The following PAX2 variants were observed in gnomAD, a reference collection of about 807,000 sequenced individuals.
PAX2 encodes paired box protein Pax-2.
Under a neutral mutation model 41.7 loss-of-function variants are expected in PAX2, and 9 were observed. That is an observed-to-expected ratio of 0.22 (90% CI 0.13 to 0.38). The LOEUF is 0.38. PAX2 is among the 10% of genes least tolerant of loss of function. PAX2 has a pLI of 1.00. For missense variants in PAX2, 418 were observed against 531.6 expected (o/e 0.79, Z 2.10); for synonymous variants, 221 against 212.7 (o/e 1.04, Z -0.34).
chr10:100,783,127 C>T (rs10786608), intron 5 of PAX2, among the ~76,000 whole-genome samples: 31,216 of 152,188 alleles, frequency 0.21, 3,487 homozygotes, highest in Middle Eastern at 0.33. Context: ...CCCAGGGCTG[C>T]GCCTGGCTGG....
upstream of PAX2, among the ~76,000 whole-genome samples, chr10:100,745,505 C>T (rs991169434): frequency 4.6e-5 from 7 of 152,174 alleles, no homozygotes; most frequent in Admixed American, 2.0e-4. Flanking sequence ...CATCCATCTC[C>T]CGGCGCGGGG....
chr10:100,829,788 C>T lies in PAX2; in HGVS notation c.*2169C>T, dbSNP rs985597144. 10 of 204,480 alleles carry T rather than the reference C, an allele frequency of 4.9e-5. No individual in the cohort carries two copies. The highest frequency in any genetic ancestry group is 1.0e-5 in the Non-Finnish European group (1 of 99,530). The allele number at this position is 204,480 out of a possible 1,614,324, so 12.7% of individuals were successfully genotyped here. A position where few individuals can be genotyped will look rare whatever the true frequency, so the allele number is the denominator to read the frequency against. The stretch of plus-strand genomic sequence containing the variant: ...TGTGGGGCTGGCCGGGCAGAGACCC[C>T]GGACCCAGGCCCAGGCCTAACCTGC... On this transcript the variant is annotated 3_prime_UTR_variant, in exon 10 of 10. Transcript: ENST00000355243.
At chr10:100,785,964 G>C (rs572635938) in intron 5 of PAX2, among the ~76,000 whole-genome samples, 20 of 152,302 alleles carry the variant, frequency 1.3e-4, no homozygotes, top group African/African-American at 4.8e-4. Flanking sequence ...CTTCCTTCCT[G>C]GGGGCTGTGG....
intron 5 of PAX2, among the ~76,000 whole-genome samples, chr10:100,798,405 T>C (rs1847414857): frequency 6.6e-6 from 1 of 152,072 alleles, no homozygotes. Context: ...AGTGAGCCAC[T>C]GCACCCGGCC....
chr10:100,758,923 C>T (rs1362292003), intron 3 of PAX2, among the ~76,000 whole-genome samples: 1 of 152,126 alleles, frequency 6.6e-6, no homozygotes, highest in African/African-American at 2.4e-5. Context: ...TTATGACTCC[C>T]TATAGCCGGA....
chr10:100,829,643 T>C lies in PAX2; in HGVS notation c.*2024T>C, dbSNP rs1010327590. 2.4e-5 allele frequency: 5 copies of C among 204,632 alleles called. No homozygotes were observed. The highest frequency in any genetic ancestry group is 5.0e-5 in the Non-Finnish European group (5 of 99,252). The allele number at this position is 204,632 out of a possible 1,614,324, so 12.7% of individuals were successfully genotyped here. On this transcript the variant is annotated 3_prime_UTR_variant, in exon 10 of 10. Coordinates refer to ENST00000355243, the MANE Select transcript of PAX2 (RefSeq NM_000278.5). Reference sequence around the variant, plus strand: ...TCTCTCCCCTGCGAGCCCTTTTTATTTGAGAAGGAAAAAGAGAAAAGAGAA... The same window carrying C: ...TCTCTCCCCTGCGAGCCCTTTTTATCTGAGAAGGAAAAAGAGAAAAGAGAA...
At chr10:100,822,218 A>G (rs929054751) in intron 7 of PAX2, among the ~76,000 whole-genome samples, 1 of 152,220 alleles carries the variant, frequency 6.6e-6, no homozygotes, top group Non-Finnish European at 1.5e-5. Flanking sequence ...TATATTAGAC[A>G]GGTATAGAGG....
chr10:100,817,971 A>T (rs1048120850), intron 7 of PAX2, among the ~76,000 whole-genome samples: 1 of 152,258 alleles, frequency 6.6e-6, no homozygotes, highest in African/African-American at 2.4e-5. Context: ...GCATTTATAT[A>T]TTTAGGCAGC....
intron 1 of PAX2, among the ~76,000 whole-genome samples, chr10:100,737,549 A>C (rs1487409671): frequency 6.6e-6 from 1 of 151,206 alleles, no homozygotes; most frequent in East Asian, 1.9e-4. Flanking sequence ...GGCGGGGGGG[A>C]GCTGCGGAGC....
intron 5 of PAX2, among the ~76,000 whole-genome samples, chr10:100,788,766 G>C (rs1490938255): frequency 6.6e-6 from 1 of 152,126 alleles, no homozygotes; most frequent in Admixed American, 6.5e-5. Flanking sequence ...GGCTGAGGAG[G>C]GCCCAGGAGA....
At chr10:100,784,481 C>T (rs897914148) in intron 5 of PAX2, among the ~76,000 whole-genome samples, 2 of 152,204 alleles carry the variant, frequency 1.3e-5, no homozygotes, top group East Asian at 3.9e-4. Context: ...AGCACTGTGG[C>T]ATCTTCCTAG....
intron 7 of PAX2, among the ~76,000 whole-genome samples, chr10:100,823,401 A>T (rs1330392706): frequency 6.6e-6 from 1 of 152,214 alleles, no homozygotes; most frequent in Non-Finnish European, 1.5e-5. Flanking sequence ...AAACTCATAC[A>T]GCTCTGGAAT....
intron 5 of PAX2, among the ~76,000 whole-genome samples, chr10:100,800,942 G>T (rs1229494104): frequency 1.3e-5 from 2 of 152,240 alleles, no homozygotes; most frequent in Non-Finnish European, 2.9e-5. Flanking sequence ...TAGATGAAAA[G>T]AAAATAAAAA....
chr10:100,814,713 C>T (rs1479223315), intron 7 of PAX2, among the ~76,000 whole-genome samples: 2 of 152,216 alleles, frequency 1.3e-5, no homozygotes, highest in South Asian at 2.1e-4. Context: ...GGGAAGCCTC[C>T]GTAGCTTCCC....
chr10:100,741,090 C>T (rs1291185210), upstream of PAX2, among the ~76,000 whole-genome samples: 1 of 152,114 alleles, frequency 6.6e-6, no homozygotes, highest in Admixed American at 6.5e-5. Flanking sequence ...GCAAAGACCT[C>T]TTGTGAGGGG....
chr10:100,750,967 T>TCTCTGCTCTTTGTCCAGC lies in PAX2; in HGVS notation c.410+83_410+100dup. On this transcript the variant is annotated intron_variant, in intron 3 of 9. Coordinates refer to ENST00000355243, the MANE Select transcript of PAX2 (RefSeq NM_000278.5). The surrounding 1 kb of genome is among the most constrained non-coding windows in gnomAD (Gnocchi z 4.1). ...GCCTGCAGGGGTGTCCCACGCCCAG[T>TCTCTGCTCTTTGTCCAGC]CTCTGCTCTTTGTCCAGCCTCTGCC... The TCTCTGCTCTTTGTCCAGC allele has an allele frequency of 8.9e-7, 1 of 1,121,204 alleles. No individual in the cohort carries two copies. Among genetic ancestry groups the TCTCTGCTCTTTGTCCAGC allele is most frequent in the Non-Finnish European group, 1.4e-6 (1 of 738,166 alleles). 69.5% of individuals were successfully genotyped at this position (1,121,204 alleles called of 1,614,324 possible). A position where few individuals can be genotyped will look rare whatever the true frequency, so the allele number is the denominator to read the frequency against.
upstream of PAX2, among the ~76,000 whole-genome samples, chr10:100,740,662 A>G (rs536583047): frequency 1.3e-5 from 2 of 152,360 alleles, no homozygotes; most frequent in Admixed American, 6.5e-5. Context: ...TAGACAAGAC[A>G]GGCGTAATTA....
chr10:100,783,867 G>A lies in PAX2; in HGVS notation c.616+2502G>A, dbSNP rs139812624. Reference sequence around the variant, plus strand: ...TTTACCTGCTGGGCCTATCCGGGTGGCAAGACATATCAGAGGCCTCACTCT... The same window carrying A: ...TTTACCTGCTGGGCCTATCCGGGTGACAAGACATATCAGAGGCCTCACTCT... On this transcript the variant is annotated intron_variant, in intron 5 of 9. Transcript: ENST00000355243. 5.3e-5 allele frequency among the ~76,000 whole-genome samples: 8 copies of A among 152,222 alleles called. No homozygotes were observed. In the East Asian group the frequency reaches 1.5e-3, roughly 29 times the overall value.
rs1845279530 is a variant in PAX2 at position 100,748,268 on chromosome 10, T to C, written c.44-1478T>C. On this transcript the variant is annotated intron_variant, in intron 1 of 9. Transcript: ENST00000355243. The surrounding 1 kb of genome is among the most constrained non-coding windows in gnomAD (Gnocchi z 5.0). ...CGAGTTCTCCCGGGGCCTAAATTATTGATGGTCGGGGTTTGGAGGGAGGGG... is the reference window on the plus strand; with the variant it reads ...CGAGTTCTCCCGGGGCCTAAATTATCGATGGTCGGGGTTTGGAGGGAGGGG... 1.0e-6 allele frequency: 1 copy of C among 983,586 alleles called. No individual in the cohort carries two copies. The highest frequency in any genetic ancestry group is 1.2e-6 in the Non-Finnish European group (1 of 829,468). The allele number at this position is 983,586 out of a possible 1,614,324, so 60.9% of individuals were successfully genotyped here.
Sources: gnomAD v4.1 joint callset for allele counts (sites outside exome capture counted in the v4.1 genomes callset) on GRCh38, gnomAD v4.1.1 for gene constraint, Gnocchi (gnomAD v3.1) non-coding constraint, MANE v1.5 for transcripts, NCBI Gene and HGNC (gene_info 2026-07-23, HGNC 2026-07-21) for gene names.